PKHD1: variants seen among roughly 807,000 people sequenced by gnomAD.
PKHD1 encodes PKHD1 ciliary IPT domain containing fibrocystin/polyductin.
A neutral mutation model predicts 412.0 loss-of-function variants in PKHD1; 291 were observed. That is an observed-to-expected ratio of 0.71 (90% CI 0.64 to 0.78). The LOEUF (loss-of-function observed/expected upper bound fraction) is 0.78, where lower values mean the gene tolerates loss of function less well. Ranked by LOEUF, PKHD1 falls within the 30% of genes least tolerant of loss-of-function variation. The pLI is 0.00. For synonymous variants in PKHD1, 1,777 were observed against 1,821.5 expected (o/e 0.98, Z 0.62); for missense variants, 4,825 against 4,950.7 (o/e 0.97, Z 0.76).
intron 35 of PKHD1, among the ~76,000 whole-genome samples, chr6:51,960,731 T>C (rs891201483): frequency 1.3e-5 from 2 of 152,102 alleles, no homozygotes; most frequent in African/African-American, 4.8e-5. Context: ...TCTGGAACAT[T>C]TGAGTGAGGG....
intron 44 of PKHD1, 36 bp from the exon 45 acceptor site, chr6:51,886,008 T>G: frequency 8.3e-7 from 1 of 1,207,386 alleles, no homozygotes; most frequent in Non-Finnish European, 1.2e-6. Flanking sequence ...AAGCCAATTT[T>G]TATGTTTCTA....
intron 52 of PKHD1, among the ~76,000 whole-genome samples, chr6:51,795,053 T>C (rs1362785601): frequency 6.6e-6 from 1 of 152,230 alleles, no homozygotes; most frequent in Non-Finnish European, 1.5e-5. Context: ...TTTTTACTAA[T>C]TCTGTGAAGA....
intron 51 of PKHD1, among the ~76,000 whole-genome samples, chr6:51,835,653 C>T (rs1394747345): frequency 1.3e-5 from 2 of 152,172 alleles, no homozygotes; most frequent in Admixed American, 6.5e-5. Context: ...TGAAAACAAT[C>T]TTGAATCACA....
chr6:51,681,775 T>G (rs1776697805), intron 60 of PKHD1, among the ~76,000 whole-genome samples: 1 of 152,024 alleles, frequency 6.6e-6, no homozygotes, highest in African/African-American at 2.4e-5. Context: ...TAAACAAAAT[T>G]TTATTGGAAC....
chr6:52,059,939 G>A lies in PKHD1; in HGVS notation c.1222C>T (p.Pro408Ser). The change falls in exon 15 of 67, where the codon CCA (proline) becomes TCA (serine). Residue 408 changes from proline (P) to serine (S), a missense_variant. Physicochemically the swap from Pro to Ser is moderately conservative, Grantham distance 74. Coordinates refer to ENST00000371117, the MANE Select transcript of PKHD1 (RefSeq NM_138694.4). ...AAGACAGTGAATACCTTAGTCCTTG[G>A]TTCCTCTGACCAACTGAAATGCAAG... ...ASLHFSWSEE[P>S]RTKVKVASIS... 1 of 1,519,284 alleles carries A rather than the reference G, an allele frequency of 6.6e-7. No homozygotes were observed. The highest frequency in any genetic ancestry group is 1.4e-5 in the African/African-American group (1 of 73,396). 94.1% of individuals were successfully genotyped at this position (1,519,284 alleles called of 1,614,324 possible). A position where few individuals can be genotyped will look rare whatever the true frequency, so the allele number is the denominator to read the frequency against.
chr6:52,061,133 A>G (rs1808606786), intron 14 of PKHD1, among the ~76,000 whole-genome samples: 1 of 152,196 alleles, frequency 6.6e-6, no homozygotes, highest in Admixed American at 6.5e-5. Flanking sequence ...AAAAACTATG[A>G]TAAATATGAA....
rs373942042 is a variant in PKHD1, at chr6:51,753,709, G to C, written c.8798-356C>G. On this transcript the variant is annotated intron_variant, in intron 56 of 66. Transcript: ENST00000371117. ...AGGTCAGCGTGAGACTTCAGTGTTGGGTTGTACATTGTCCGTGGACCTCTT... is the reference window on the plus strand; with the variant it reads ...AGGTCAGCGTGAGACTTCAGTGTTGCGTTGTACATTGTCCGTGGACCTCTT... Among the ~76,000 whole-genome samples, 160 of 152,292 alleles carry C rather than the reference G, an allele frequency of 1.1e-3. 1 individual carries two copies. Among genetic ancestry groups the C allele is most frequent in the African/African-American group, 3.7e-3 (152 of 41,576 alleles).
At chr6:51,908,933 C>G (rs1393721881) in intron 40 of PKHD1, among the ~76,000 whole-genome samples, 1 of 152,100 alleles carries the variant, frequency 6.6e-6, no homozygotes, top group East Asian at 1.9e-4. Flanking sequence ...ATTCAAAACA[C>G]AGGATTGTGT....
At chr6:51,897,272 G>A (rs1217091848) in intron 43 of PKHD1, among the ~76,000 whole-genome samples, 1 of 151,578 alleles carries the variant, frequency 6.6e-6, no homozygotes, top group Non-Finnish European at 1.5e-5. Flanking sequence ...AGAAAGGTCG[G>A]GTTACCCTCA....
At chr6:52,019,429 TA>T (rs1427975106) in intron 33 of PKHD1, among the ~76,000 whole-genome samples, 1 of 152,154 alleles carries the variant, frequency 6.6e-6, no homozygotes. Context: ...ATTAGAGCAA[TA>T]AAAATGACTG....
intron 60 of PKHD1, chr6:51,721,332 T>C: frequency 1.5e-6 from 1 of 645,766 alleles, no homozygotes; most frequent in Non-Finnish European, 1.9e-6. Context: ...ATTATTGGTA[T>C]ATTAGTATTA....
At chr6:52,001,684 G>T (rs1798419177) in intron 35 of PKHD1, among the ~76,000 whole-genome samples, 1 of 151,922 alleles carries the variant, frequency 6.6e-6, no homozygotes, top group Non-Finnish European at 1.5e-5. Context: ...GCCCACGTCG[G>T]CCTCCCAAAG....
At chr6:51,719,971 T>C (rs924789659) in intron 60 of PKHD1, among the ~76,000 whole-genome samples, 1 of 152,186 alleles carries the variant, frequency 6.6e-6, no homozygotes, top group Non-Finnish European at 1.5e-5. Flanking sequence ...GCTTTAACTT[T>C]AATAGGTACC....
intron 43 of PKHD1, among the ~76,000 whole-genome samples, chr6:51,900,284 C>T (rs1189994145): frequency 6.6e-6 from 1 of 152,196 alleles, no homozygotes; most frequent in Admixed American, 6.5e-5. Context: ...TACAAGGCTA[C>T]AGTAACCAAA....
At chr6:51,710,180 A>G (rs1228664893) in intron 60 of PKHD1, among the ~76,000 whole-genome samples, 4 of 152,196 alleles carry the variant, frequency 2.6e-5, no homozygotes, top group African/African-American at 7.2e-5. Flanking sequence ...ACTGCACTCC[A>G]GCCTGAGCGA....
At chr6:51,637,852 C>A (rs538229811) in intron 64 of PKHD1, among the ~76,000 whole-genome samples, 1 of 151,804 alleles carries the variant, frequency 6.6e-6, no homozygotes, top group African/African-American at 2.4e-5. Flanking sequence ...TGCAGTGAGC[C>A]GAGATTGTGC....
At chr6:51,811,869 G>C (rs531539992) in intron 52 of PKHD1, among the ~76,000 whole-genome samples, 30 of 152,184 alleles carry the variant, frequency 2.0e-4, no homozygotes, top group African/African-American at 6.5e-4. Context: ...AGGGCTAAAT[G>C]GTTCTTGATA....
Position 51,951,265 on chromosome 6 carries a change from C to T in PKHD1, c.5908+8605G>A, listed in dbSNP as rs374644881. Among the ~76,000 whole-genome samples the T allele has an allele frequency of 5.3e-5, 8 of 152,198 alleles. No homozygotes were observed. The East Asian group carries it at 1.2e-3, about 22-fold the overall frequency. ...TAAGTGCTCAAGGCCTTCAGCTGTT[C>T]CATGGCTTTCTAAAAAGTCACTTAA... On this transcript the variant is annotated intron_variant, in intron 36 of 66. Transcript: ENST00000371117.
chr6:51,864,779 A>G (rs933479246), intron 48 of PKHD1, among the ~76,000 whole-genome samples: 1 of 152,186 alleles, frequency 6.6e-6, no homozygotes, highest in Non-Finnish European at 1.5e-5. Context: ...AATTATTGAG[A>G]TATTTTACAT....
Sources: gnomAD v4.1 joint callset for allele counts (sites outside exome capture counted in the v4.1 genomes callset) on GRCh38, gnomAD v4.1.1 for gene constraint, MANE v1.5 for transcripts, NCBI Gene and HGNC (gene_info 2026-07-23, HGNC 2026-07-21) for gene names.